Variants in LETM1 observed in about 807,000 individuals in gnomAD.
LETM1 encodes mitochondrial proton/calcium exchanger protein.
In LETM1, 50 loss-of-function variants were observed where a neutral mutation model predicts 74.5. That is an observed-to-expected ratio of 0.67 (90% CI 0.53 to 0.85). The LOEUF is 0.85. Ranked by LOEUF, LETM1 falls within the 40% of genes least tolerant of loss-of-function variation. The probability of loss-of-function intolerance (pLI) is 0.00; values close to 1 mark genes in which losing one functional copy is unlikely to be tolerated. For synonymous variants in LETM1, 446 were observed against 407.1 expected (o/e 1.10, Z -1.15); for missense variants, 824 against 967.8 (o/e 0.85, Z 1.97).
rs748412651 is a variant in LETM1, at chr4:1,841,755, G to A, written c.186C>T (p.Tyr62=). 1.2e-6 allele frequency: 2 copies of A among 1,613,960 alleles called. No homozygotes were observed. The highest frequency in any genetic ancestry group is 1.7e-5 in the Admixed American group (1 of 60,030). The part of the protein sequence containing the change: ...FGCCTPIHPV[Y]TSSRGDHLGC... ...CGAGGTGATCGCCTCTGGAGGATGTGTACACAGGGTGGATGGGAGTGCAGC... is the reference window on the plus strand; with the variant it reads ...CGAGGTGATCGCCTCTGGAGGATGTATACACAGGGTGGATGGGAGTGCAGC... The change falls in exon 3 of 14, where the codon TAC becomes TAT. Residue 62 remains tyrosine, a synonymous_variant. Transcript: ENST00000302787.
intron 3 of LETM1, among the ~76,000 whole-genome samples, chr4:1,837,597 G>A (rs779386275): frequency 6.6e-6 from 1 of 151,556 alleles, no homozygotes; most frequent in Non-Finnish European, 1.5e-5. Context: ...GTTCTACTGA[G>A]GTGTAATTTA....
chr4:1,830,492 A>G (rs1712227355), intron 6 of LETM1, among the ~76,000 whole-genome samples: 1 of 152,124 alleles, frequency 6.6e-6, no homozygotes, highest in Non-Finnish European at 1.5e-5. Flanking sequence ...CATCAAGCCC[A>G]GCTAATTTTT....
intron 12 of LETM1, among the ~76,000 whole-genome samples, 182 bp downstream of exon 12, chr4:1,816,545 A>G (rs1711577243): frequency 6.6e-6 from 1 of 152,136 alleles, no homozygotes; most frequent in Admixed American, 6.5e-5. Context: ...GCTCTCGGAG[A>G]GGCAGAGACT....
At chr4:1,818,384 C>T (rs566247277) in intron 11 of LETM1, among the ~76,000 whole-genome samples, 5 of 152,126 alleles carry the variant, frequency 3.3e-5, no homozygotes, top group African/African-American at 4.8e-5. Flanking sequence ...GAGGCTGAGG[C>T]GGGTGGATCA....
At chr4:1,833,630 G>A (rs1051421341) in intron 5 of LETM1, 3 of 154,666 alleles carry the variant, frequency 1.9e-5, no homozygotes, top group African/African-American at 7.2e-5. Flanking sequence ...GAGTCCCTTA[G>A]CGTGGATCAC....
chr4:1,855,767 G>C (rs1713219897), intron 1 of LETM1, 102 bp downstream of exon 1: 1 of 692,164 alleles, frequency 1.4e-6, no homozygotes, highest in African/African-American at 1.9e-5. Context: ...GGACCACCGG[G>C]CTCCCCGCAT....
At chr4:1,837,904 A>G (rs530934883) in intron 3 of LETM1, among the ~76,000 whole-genome samples, 7 of 151,728 alleles carry the variant, frequency 4.6e-5, no homozygotes, top group Non-Finnish European at 8.8e-5. Flanking sequence ...ACAGGGTTTC[A>G]CTATGTTGGC....
At chr4:1,830,724 G>C (rs916635222) in intron 6 of LETM1, among the ~76,000 whole-genome samples, 2 of 152,072 alleles carry the variant, frequency 1.3e-5, no homozygotes, top group African/African-American at 4.8e-5. Context: ...GTTCTGCTCT[G>C]TTGTGGCTTT....
intron 11 of LETM1, 146 bp from the exon 12 acceptor site, chr4:1,817,060 A>T: frequency 1.6e-6 from 1 of 614,998 alleles, no homozygotes. Context: ...AGCCTGGCCA[A>T]TGTGGTGAAA....
In LETM1 at chr4:1,814,591, G is replaced by A. The variant is rs766973952; in HGVS notation, c.2071-18C>T. On this transcript the variant is annotated intron_variant, in intron 13 of 13. Transcript: ENST00000302787. ...TCAATCACCTACACACGTGGGAAAG[G>A]GAGAGGCTCAGGTGGCTGCGCCCTA... The A allele has an allele frequency of 6.2e-7, 1 of 1,611,074 alleles. No homozygotes were observed. The highest frequency in any genetic ancestry group is 1.1e-5 in the South Asian group (1 of 90,714).
intron 6 of LETM1, among the ~76,000 whole-genome samples, chr4:1,832,147 CA>C (rs145157269): frequency 0.03 from 4,585 of 152,066 alleles, 218 homozygotes; most frequent in African/African-American, 0.11. Flanking sequence ...CTAAAAAATA[CA>C]AAAAATAGCC....
intron 6 of LETM1, among the ~76,000 whole-genome samples, chr4:1,828,998 C>G (rs1420514801): frequency 8.6e-6 from 1 of 115,656 alleles, no homozygotes; most frequent in Non-Finnish European, 1.8e-5. Context: ...GGCTGACCCC[C>G]CCCCACCTCC....
chr4:1,825,802 GC>G, intron 6 of LETM1, 119 bp from the exon 7 acceptor site: 1 of 1,152,116 alleles, frequency 8.7e-7, no homozygotes, highest in Non-Finnish European at 1.2e-6. Context: ...TCAAACCACG[GC>G]CACCAAAGCC....
At chr4:1,832,453 G>A (rs1712310543) in intron 6 of LETM1, among the ~76,000 whole-genome samples, 1 of 152,114 alleles carries the variant, frequency 6.6e-6, no homozygotes, top group Non-Finnish European at 1.5e-5. Flanking sequence ...GAGGAGAGAG[G>A]CACAGAGGCA....
chr4:1,851,964 G>T (rs777066818), intron 1 of LETM1, among the ~76,000 whole-genome samples: 2 of 152,216 alleles, frequency 1.3e-5, no homozygotes, highest in Non-Finnish European at 2.9e-5. Context: ...AAGGCCGTTC[G>T]GGGTGATGGG....
chr4:1,815,167 C>T (rs1006297520), intron 13 of LETM1, among the ~76,000 whole-genome samples: 5 of 152,200 alleles, frequency 3.3e-5, no homozygotes, highest in South Asian at 4.1e-4. Flanking sequence ...CCAGGGTCTC[C>T]GGGGCTACCC....
At chr4:1,818,458 A>T (rs1711653265) in intron 11 of LETM1, among the ~76,000 whole-genome samples, 1 of 151,822 alleles carries the variant, frequency 6.6e-6, no homozygotes, top group South Asian at 2.1e-4. Context: ...CTAAAAATAC[A>T]AAAAATTAGC....
chr4:1,855,736 C>T, intron 1 of LETM1, 133 bp downstream of exon 1: 1 of 502,492 alleles, frequency 2.0e-6, no homozygotes, highest in Non-Finnish European at 2.9e-6. Flanking sequence ...CCCCACGGTC[C>T]CGCAGGGGCT....
At chr4:1,816,983 C>T (rs1219720151) in intron 11 of LETM1, 69 bp from the exon 12 acceptor site, 37 of 1,315,886 alleles carry the variant, frequency 2.8e-5, no homozygotes, top group South Asian at 6.5e-5. Flanking sequence ...TAGTGGCTCA[C>T]GCCTGTAATC....
Sources: allele counts gnomAD v4.1 joint callset (sites outside exome capture counted in the v4.1 genomes callset), GRCh38; gene constraint gnomAD v4.1.1; transcripts MANE v1.5; gene names NCBI Gene and HGNC (gene_info 2026-07-23, HGNC 2026-07-21).